ATP13A5: variants seen among roughly 807,000 people sequenced by gnomAD.
The protein encoded by ATP13A5 is ATPase 13A5.
In ATP13A5, 149 loss-of-function variants were observed where a neutral mutation model predicts 150.2. The observed-to-expected ratio is 0.99, with a 90% CI of 0.87 to 1.14. ATP13A5 has a LOEUF of 1.14. Among genes scored for constraint, ATP13A5 ranks in the 50% most tolerant of loss-of-function variants. The probability of loss-of-function intolerance (pLI) is 0.00; values close to 1 mark genes in which losing one functional copy is unlikely to be tolerated. For missense variants in ATP13A5, 1,383 were observed against 1,449.3 expected (o/e 0.95, Z 0.74); for synonymous variants, 497 against 522.2 (o/e 0.95, Z 0.66).
At chr3:193,370,383 C>A (rs149107964) in intron 1 of ATP13A5, among the ~76,000 whole-genome samples, 9 of 152,238 alleles carry the variant, frequency 5.9e-5, no homozygotes, top group African/African-American at 1.9e-4. Context: ...CACTATTTAC[C>A]AGCTGTGATT....
chr3:193,308,595 G>A (rs962053649), intron 21 of ATP13A5, among the ~76,000 whole-genome samples: 1 of 152,088 alleles, frequency 6.6e-6, no homozygotes, highest in Admixed American at 6.5e-5. Flanking sequence ...CCTTCTTTCA[G>A]GCTTAAAGCA....
chr3:193,334,585 A>G (rs926680273), intron 10 of ATP13A5, among the ~76,000 whole-genome samples: 1 of 152,294 alleles, frequency 6.6e-6, no homozygotes, highest in Non-Finnish European at 1.5e-5. Context: ...AAAGGAAAAA[A>G]TCCTCATAGT....
At chr3:193,299,779 A>C (rs369676650) in intron 24 of ATP13A5, among the ~76,000 whole-genome samples, 14 of 152,300 alleles carry the variant, frequency 9.2e-5, no homozygotes, top group African/African-American at 3.1e-4. Flanking sequence ...TGAAGTATTT[A>C]GATATGAAAG....
intron 21 of ATP13A5, among the ~76,000 whole-genome samples, chr3:193,308,632 G>A (rs999350355): frequency 3.3e-5 from 5 of 152,060 alleles, no homozygotes; most frequent in Admixed American, 1.3e-4. Context: ...ATCACATCAA[G>A]AATCTTATCA....
At chr3:193,321,210 C>T (rs1719262110) in intron 16 of ATP13A5, among the ~76,000 whole-genome samples, 1 of 152,212 alleles carries the variant, frequency 6.6e-6, no homozygotes, top group Non-Finnish European at 1.5e-5. Flanking sequence ...TATTTAGTCG[C>T]TGCCTCCCAG....
chr3:193,317,252 G>A (rs1560129624), intron 17 of ATP13A5, among the ~76,000 whole-genome samples: 1 of 152,076 alleles, frequency 6.6e-6, no homozygotes, highest in African/African-American at 2.4e-5. Flanking sequence ...GATTGCCTAG[G>A]CAAAATGACA....
intron 1 of ATP13A5, among the ~76,000 whole-genome samples, chr3:193,372,922 C>T (rs1713503138): frequency 6.6e-6 from 1 of 152,134 alleles, no homozygotes; most frequent in Admixed American, 6.5e-5. Flanking sequence ...GATTGATAAG[C>T]TTACCTTTAC....
chr3:193,319,146 G>A, intron 16 of ATP13A5, 38 bp from the exon 17 acceptor site: 2 of 1,501,240 alleles, frequency 1.3e-6, no homozygotes, highest in South Asian at 2.3e-5. Context: ...GTAAGGTCAT[G>A]TTGAAGGCTG....
chr3:193,279,391 AAGTC>A lies in ATP13A5; in HGVS notation c.3286_3289del (p.Asp1096PhefsTer10). On this transcript the variant is annotated frameshift_variant, in exon 28 of 30. Coordinates refer to ENST00000342358, the MANE Select transcript of ATP13A5 (RefSeq NM_198505.4). LOFTEE classifies it high-confidence loss of function. The stretch of plus-strand genomic sequence containing the variant: ...CTCCATTCCACGGTATATAACTTGA[AAGTC>A]AGAAAACAGAATGAAAATTGTGAGG... 2 of 1,613,936 alleles carry A rather than the reference AAGTC, an allele frequency of 1.2e-6. No individual in the cohort carries two copies. Among genetic ancestry groups the A allele is most frequent in the Non-Finnish European group, 1.7e-6 (2 of 1,179,846 alleles).
intron 17 of ATP13A5, among the ~76,000 whole-genome samples, chr3:193,316,923 T>G (rs1471516209): frequency 6.6e-6 from 1 of 152,166 alleles, no homozygotes; most frequent in Non-Finnish European, 1.5e-5. Context: ...ACCGTGAAAC[T>G]ACTAGAGGAA....
Position 193,275,090 on chromosome 3 carries a change from G to C in ATP13A5, c.3609C>G (p.Leu1203=). ...ESHEQIPKRK[L]KLGGQPTEQH... is the part of the protein sequence containing the mutation. The stretch of plus-strand genomic sequence containing the variant: ...GTTCTGTGGGTTGGCCTCCCAATTT[G>C]AGTTTTCTTTTTGGAATCTGTTCAT... The change falls in exon 30 of 30, where the codon CTC becomes CTG. Residue 1203 remains leucine, a synonymous_variant. Coordinates refer to ENST00000342358, the MANE Select transcript of ATP13A5 (RefSeq NM_198505.4). 1.2e-6 allele frequency: 2 copies of C among 1,614,162 alleles called. No individual in the cohort carries two copies. Among genetic ancestry groups the C allele is most frequent in the Non-Finnish European group, 1.7e-6 (2 of 1,180,026 alleles).
At position 193,303,899 on chromosome 3, in the gene ATP13A5, A is replaced by G. The variant is rs150418975; in HGVS notation, c.2678+1660T>C. On this transcript the variant is annotated intron_variant, in intron 23 of 29. Coordinates refer to ENST00000342358, the MANE Select transcript of ATP13A5 (RefSeq NM_198505.4). The stretch of plus-strand genomic sequence containing the variant: ...TAACATGTTACACATATACATACAC[A>G]TACACACACACACACACACACACAT... 1.6e-3 allele frequency among the ~76,000 whole-genome samples: 245 copies of G among 150,702 alleles called. 1 individual carries two copies. Among genetic ancestry groups the G allele is most frequent in the African/African-American group, 5.5e-3 (222 of 40,194 alleles).
At chr3:193,297,249 G>A (rs947946336) in intron 25 of ATP13A5, among the ~76,000 whole-genome samples, 9 of 151,982 alleles carry the variant, frequency 5.9e-5, no homozygotes, top group South Asian at 2.1e-4. Context: ...TGGCCTTCTC[G>A]TCTACTGCTT....
intron 1 of ATP13A5, among the ~76,000 whole-genome samples, chr3:193,365,120 T>C (rs1713192484): frequency 6.6e-6 from 1 of 152,152 alleles, no homozygotes; most frequent in Admixed American, 6.6e-5. Context: ...GGGATGCTGA[T>C]TATGAATAAT....
chr3:193,331,479 A>T (rs73074762), intron 11 of ATP13A5, among the ~76,000 whole-genome samples, 168 bp from the exon 12 acceptor site: 2 of 152,046 alleles, frequency 1.3e-5, no homozygotes, highest in African/African-American at 4.8e-5. Flanking sequence ...CCCTCTACTT[A>T]GCATTCCCTC....
Position 193,311,960 on chromosome 3 carries a change from C to T in ATP13A5, c.2320-19G>A. 6.2e-7 allele frequency: 1 copy of T among 1,612,528 alleles called. No homozygotes were observed. The highest frequency in any genetic ancestry group is 8.5e-7 in the Non-Finnish European group (1 of 1,179,154). Reference sequence around the variant, plus strand: ...AGATTTCCTAAAATCAAAAGGGCATCATTTCTACATTGACTCCTAAGGAGT... The same window carrying T: ...AGATTTCCTAAAATCAAAAGGGCATTATTTCTACATTGACTCCTAAGGAGT... On this transcript the variant is annotated intron_variant, in intron 19 of 29. Transcript: ENST00000342358.
In ATP13A5 at chr3:193,331,221, C is replaced by T. The variant is rs1320356675; in HGVS notation, c.1363G>A (p.Val455Met). Reference protein sequence around the residue: ...VLPAALTIGNVYAQKRLKKKK... With the variant: ...VLPAALTIGNMYAQKRLKKKK... Reference sequence around the variant, plus strand: ...TTCTTCAGTCTCTTCTGAGCATACACGTTGCCTATGGTCAGGGCAGCTGGC... The same window carrying T: ...TTCTTCAGTCTCTTCTGAGCATACATGTTGCCTATGGTCAGGGCAGCTGGC... Residue 455 changes from valine to methionine, a missense_variant, in exon 12 of 30, where the codon GTG (valine) becomes ATG (methionine). By Grantham distance (21) the Val-to-Met change is conservative. Around this residue, in one of 3 missense-constraint regions of ATP13A5, gnomAD observed 787 missense variants for 771.9 expected, o/e 1.02. Transcript: ENST00000342358. 1.4e-5 allele frequency: 22 copies of T among 1,613,996 alleles called. No individual in the cohort carries two copies. Among genetic ancestry groups the T allele is most frequent in the Middle Eastern group, 1.6e-4 (1 of 6,080 alleles).
intron 12 of ATP13A5, among the ~76,000 whole-genome samples, chr3:193,327,704 A>G (rs1043843586): frequency 2.3e-4 from 35 of 152,220 alleles, no homozygotes; most frequent in Non-Finnish European, 1.5e-4. Context: ...AATGAAACAG[A>G]GAAAGAAAAA....
chr3:193,342,035 T>G (rs1712149127), intron 9 of ATP13A5, among the ~76,000 whole-genome samples: 1 of 152,324 alleles, frequency 6.6e-6, no homozygotes, highest in South Asian at 2.1e-4. Context: ...TCCTTTCACT[T>G]GCTAGCCGAG....
Sources: gnomAD v4.1 joint callset for allele counts (sites outside exome capture counted in the v4.1 genomes callset) on GRCh38, gnomAD v4.1.1 for gene constraint, gnomAD v4.1.1 regional missense constraint, MANE v1.5 for transcripts, NCBI Gene and HGNC (gene_info 2026-07-23, HGNC 2026-07-21) for gene names.